The following TBC1D12 variants were observed in gnomAD, a reference collection of about 807,000 sequenced individuals.
The protein encoded by TBC1D12 is TBC1 domain family, member 12.
A neutral mutation model predicts 86.7 loss-of-function variants in TBC1D12; 56 were observed. That is an observed-to-expected ratio of 0.65 (90% CI 0.52 to 0.81). TBC1D12 has a LOEUF of 0.81. TBC1D12 is among the 30% of genes least tolerant of loss of function. The pLI, the probability that TBC1D12 is intolerant of heterozygous loss-of-function variation, is 0.00. For missense variants in TBC1D12, 1,023 were observed against 1,038.8 expected, an observed-to-expected ratio of 0.98 and a Z score of 0.21; for synonymous variants, 421 against 411.7, an observed-to-expected ratio of 1.02 and a Z score of -0.27.
chr10:94,411,832 C>T (rs2134050564), intron 1 of TBC1D12, among the ~76,000 whole-genome samples: 1 of 152,298 alleles, frequency 6.6e-6, no homozygotes, highest in East Asian at 1.9e-4. Context: ...GTTGTGTGCA[C>T]CTGTAGCCAC....
At chr10:94,498,413 G>A (rs1017800982) in intron 5 of TBC1D12, among the ~76,000 whole-genome samples, 1 of 151,726 alleles carries the variant, frequency 6.6e-6, no homozygotes, top group Non-Finnish European at 1.5e-5. Flanking sequence ...AATAATAATT[G>A]TATATATTTA....
chr10:94,402,772 C>CGAGGAGGAGGAGGCT lies in TBC1D12; in HGVS notation c.162_176dup (p.Glu54_Ala58dup). The CGAGGAGGAGGAGGCT allele has an allele frequency of 6.5e-7, 1 of 1,529,296 alleles. No individual in the cohort carries two copies. The highest frequency in any genetic ancestry group is 8.8e-7 in the Non-Finnish European group (1 of 1,135,528). 94.7% of individuals were successfully genotyped at this position (1,529,296 alleles called of 1,614,324 possible). A position where few individuals can be genotyped will look rare whatever the true frequency, so the allele number is the denominator to read the frequency against. ...CTGTGGAGCCGCCGGAGGAGGCTGACGAGGAGGAGGAGGCTGACGAGGAGG... is the reference window on the plus strand; with the variant it reads ...CTGTGGAGCCGCCGGAGGAGGCTGACGAGGAGGAGGAGGCTGAGGAGGAGGAGGCTGACGAGGAGG... On this transcript the variant is annotated inframe_insertion, in exon 1 of 13. Transcript: ENST00000225235.
chr10:94,417,117 C>T (rs1380148634), intron 1 of TBC1D12, among the ~76,000 whole-genome samples: 3 of 152,138 alleles, frequency 2.0e-5, no homozygotes, highest in East Asian at 3.8e-4. Flanking sequence ...AACTACATTT[C>T]GGAACGGTGA....
intron 5 of TBC1D12, among the ~76,000 whole-genome samples, chr10:94,498,905 GA>G (rs1431375893): frequency 2.0e-5 from 3 of 151,986 alleles, no homozygotes; most frequent in African/African-American, 7.2e-5. Context: ...GAGTAGCTGG[GA>G]CTACAGGTAT....
intron 3 of TBC1D12, among the ~76,000 whole-genome samples, chr10:94,482,391 A>G (rs1197222786): frequency 1.3e-5 from 2 of 151,480 alleles, no homozygotes; most frequent in Admixed American, 6.6e-5. Context: ...TAAATGTACA[A>G]TTACATTATT....
At chr10:94,476,094 C>T (rs555754483) in intron 3 of TBC1D12, among the ~76,000 whole-genome samples, 3 of 152,176 alleles carry the variant, frequency 2.0e-5, no homozygotes, top group Non-Finnish European at 2.9e-5. Context: ...CGCACACCAC[C>T]GCACCTGGCT....
intron 9 of TBC1D12, among the ~76,000 whole-genome samples, chr10:94,512,975 G>A (rs1019022787): frequency 7.2e-5 from 11 of 151,892 alleles, no homozygotes; most frequent in Admixed American, 2.0e-4. Context: ...CATGCCGGGC[G>A]TGGTGGCTCA....
chr10:94,440,063 G>A (rs74153350), intron 1 of TBC1D12, among the ~76,000 whole-genome samples: 3,331 of 152,236 alleles, frequency 0.022, 125 homozygotes, highest in African/African-American at 0.074. Context: ...CACTGTACAT[G>A]GTCTCTGAGG....
chr10:94,491,411 A>T (rs75989264), intron 3 of TBC1D12, among the ~76,000 whole-genome samples: 1 of 152,206 alleles, frequency 6.6e-6, no homozygotes, highest in Non-Finnish European at 1.5e-5. Context: ...TTATATTTGG[A>T]TAAGTGATAA....
At chr10:94,495,673 A>G (rs1171088605) in intron 4 of TBC1D12, among the ~76,000 whole-genome samples, 3 of 151,876 alleles carry the variant, frequency 2.0e-5, no homozygotes, top group African/African-American at 7.3e-5. Flanking sequence ...CATGCGTAAC[A>G]TGTGAGAGGC....
chr10:94,509,814 C>G, intron 7 of TBC1D12: 2 of 322,528 alleles, frequency 6.2e-6, no homozygotes, highest in South Asian at 7.9e-5. Context: ...AAATTTTTTT[C>G]CTAGTTGTTA....
intron 1 of TBC1D12, among the ~76,000 whole-genome samples, chr10:94,413,688 A>G (rs1352553911): frequency 1.3e-5 from 2 of 151,818 alleles, no homozygotes; most frequent in Admixed American, 6.6e-5. Flanking sequence ...AGCTAGTTTG[A>G]GAGTGAACTT....
chr10:94,427,597 C>T (rs762323343), intron 1 of TBC1D12, among the ~76,000 whole-genome samples: 7 of 151,884 alleles, frequency 4.6e-5, no homozygotes, highest in Admixed American at 6.6e-5. Context: ...TTTGGGAGGC[C>T]GAGGCAGGTG....
rs193158349 is a variant in TBC1D12 at position 94,408,460 on chromosome 10, A to G, written c.971+4876A>G. Among the ~76,000 whole-genome samples, 3 of 152,256 alleles carry G rather than the reference A, an allele frequency of 2.0e-5. 1 individual carries two copies. The highest frequency in any genetic ancestry group is 2.0e-4 in the Admixed American group (3 of 15,296). On this transcript the variant is annotated intron_variant, in intron 1 of 12. Coordinates refer to ENST00000225235, the MANE Select transcript of TBC1D12 (RefSeq NM_015188.2). The stretch of plus-strand genomic sequence containing the variant: ...TTTAGTGATTTCTTTTTACATCTAG[A>G]TAGTCTCCATTCTCCCTAATATGAA...
At chr10:94,479,639 GTAGT>G (rs1422481267) in intron 3 of TBC1D12, among the ~76,000 whole-genome samples, 9 of 152,174 alleles carry the variant, frequency 5.9e-5, no homozygotes, top group Non-Finnish European at 8.8e-5. Context: ...AAGATTTAAG[GTAGT>G]TAGTATGTGT....
At chr10:94,409,749 T>G (rs1210092963) in intron 1 of TBC1D12, among the ~76,000 whole-genome samples, 1 of 152,182 alleles carries the variant, frequency 6.6e-6, no homozygotes, top group East Asian at 1.9e-4. Context: ...GTTACTTGTT[T>G]GATAGAAATC....
intron 2 of TBC1D12, among the ~76,000 whole-genome samples, chr10:94,471,707 A>T (rs951547811): frequency 6.6e-6 from 1 of 152,136 alleles, no homozygotes; most frequent in Non-Finnish European, 1.5e-5. Flanking sequence ...CTCTCATAAG[A>T]TATACTTTAT....
chr10:94,493,615 A>T (rs73327486), intron 4 of TBC1D12, among the ~76,000 whole-genome samples, 168 bp downstream of exon 4: 3,209 of 152,120 alleles, frequency 0.021, 108 homozygotes, highest in African/African-American at 0.071. Context: ...GCAGTGATGC[A>T]GTCACAGCTC....
intron 4 of TBC1D12, among the ~76,000 whole-genome samples, chr10:94,496,621 T>A (rs1011024733): frequency 1.3e-5 from 2 of 152,192 alleles, no homozygotes; most frequent in Non-Finnish European, 2.9e-5. Flanking sequence ...AATAGAAATA[T>A]GTGATAAAGT....
Sources: gnomAD v4.1 joint callset for allele counts (sites outside exome capture counted in the v4.1 genomes callset) on GRCh38, gnomAD v4.1.1 for gene constraint, MANE v1.5 for transcripts, NCBI Gene and HGNC (gene_info 2026-07-23, HGNC 2026-07-21) for gene names.